PCDHA5: variants seen among roughly 807,000 people sequenced by gnomAD.
PCDHA5 encodes the protein protocadherin alpha 5.
PCDHA5 carries 43 observed loss-of-function variants against 61.6 expected under a neutral mutation model. That is an observed-to-expected ratio of 0.70 (90% CI 0.55 to 0.90). The LOEUF is 0.90. Ranked by LOEUF, PCDHA5 falls within the 40% of genes least tolerant of loss-of-function variation. PCDHA5 has a pLI of 0.00. For missense variants in PCDHA5, 1,298 were observed against 1,222.7 expected (o/e 1.06, Z -0.92); for synonymous variants, 627 against 543.9 (o/e 1.15, Z -2.13).
rs148631412 is a variant in PCDHA5, at chr5:140,929,183, C to T, written c.2353-49766C>T. On this transcript the variant is annotated intron_variant, in intron 1 of 3. Transcript: ENST00000529859. ...TATCGGGCCTCTCTGGGACTTGGTT[C>T]TGATAATAACAGTTTGCTGTTGCGT... is the stretch of plus-strand genomic sequence containing the variant. 62 of 1,614,144 alleles carry T rather than the reference C, an allele frequency of 3.8e-5. No individual in the cohort carries two copies. The highest frequency in any genetic ancestry group is 4.8e-5 in the Non-Finnish European group (57 of 1,180,012).
chr5:141,010,006 T>C lies in PCDHA5; in HGVS notation c.*69T>C. The stretch of plus-strand genomic sequence containing the variant: ...ATGGCAAATCTCTCCCATGTAGCAA[T>C]TCCCTGCTCCTTTTTCCTATCTACA... On this transcript the variant is annotated 3_prime_UTR_variant, in exon 4 of 4. Transcript: ENST00000529859. 1 of 1,572,424 alleles carries C rather than the reference T, an allele frequency of 6.4e-7. No individual in the cohort carries two copies. Among genetic ancestry groups the C allele is most frequent in the Non-Finnish European group, 8.6e-7 (1 of 1,163,442 alleles).
At chr5:140,990,011 G>T (rs1246081885) in intron 3 of PCDHA5, among the ~76,000 whole-genome samples, 1 of 152,074 alleles carries the variant, frequency 6.6e-6, no homozygotes, top group Non-Finnish European at 1.5e-5. Context: ...CAAGGGCGTG[G>T]GCTAGGCAAA....
At chr5:140,839,989 T>C (rs1776506431) in intron 1 of PCDHA5, among the ~76,000 whole-genome samples, 1 of 152,120 alleles carries the variant, frequency 6.6e-6, no homozygotes, top group Non-Finnish European at 1.5e-5. Context: ...GGAAAGTGGT[T>C]AGCCTTAGCA....
At chr5:140,924,263 G>T (rs1292368780) in intron 1 of PCDHA5, among the ~76,000 whole-genome samples, 3 of 152,148 alleles carry the variant, frequency 2.0e-5, no homozygotes, top group African/African-American at 7.2e-5. Context: ...ATCTAATGAG[G>T]TCTGTACTTG....
At position 141,012,179 on chromosome 5, in the gene PCDHA5, T is replaced by C. The variant is rs2098423152; in HGVS notation, c.*2242T>C. ...GGGCTAATTTATTAATGATGATAAT[T>C]ATAATGTATCTGTACAGCACTTTTT... is the stretch of plus-strand genomic sequence containing the variant. On this transcript the variant is annotated 3_prime_UTR_variant, in exon 4 of 4. Coordinates refer to ENST00000529859, the MANE Select transcript of PCDHA5 (RefSeq NM_018908.3). 1 of 153,764 alleles carries C rather than the reference T, an allele frequency of 6.5e-6. No individual in the cohort carries two copies. Among genetic ancestry groups the C allele is most frequent in the South Asian group, 2.1e-4 (1 of 4,828 alleles). 9.5% of individuals were successfully genotyped at this position (153,764 alleles called of 1,614,324 possible). A position where few individuals can be genotyped will look rare whatever the true frequency, so the allele number is the denominator to read the frequency against.
intron 1 of PCDHA5, among the ~76,000 whole-genome samples, chr5:140,962,147 T>C (rs2095660496): frequency 1.3e-5 from 2 of 152,176 alleles, no homozygotes; most frequent in South Asian, 4.1e-4. Context: ...AGTGCTGGGA[T>C]TACAGGCGTG....
At chr5:140,919,658 T>G (rs1271844986) in intron 1 of PCDHA5, among the ~76,000 whole-genome samples, 1 of 152,230 alleles carries the variant, frequency 6.6e-6, no homozygotes, top group South Asian at 2.1e-4. Context: ...GTTTACCATA[T>G]ATATTTTAGC....
chr5:140,872,165 C>CTT (rs781807025), intron 1 of PCDHA5, among the ~76,000 whole-genome samples: 18 of 144,352 alleles, frequency 1.2e-4, no homozygotes, highest in Non-Finnish European at 2.0e-4. Context: ...ATTTACTTTT[C>CTT]TTTTTTTTTT....
chr5:140,881,669 T>C (rs1030695213), intron 1 of PCDHA5, among the ~76,000 whole-genome samples: 17 of 152,248 alleles, frequency 1.1e-4, no homozygotes, highest in African/African-American at 4.1e-4. Context: ...TTTATTCTTA[T>C]GTGATTGTTA....
At chr5:140,984,634 C>G (rs540344154) in intron 3 of PCDHA5, among the ~76,000 whole-genome samples, 4 of 152,298 alleles carry the variant, frequency 2.6e-5, no homozygotes, top group African/African-American at 9.6e-5. Context: ...AAGGGATTCT[C>G]TGCCTTCTCC....
chr5:141,008,362 G>A (rs2098372939), intron 3 of PCDHA5, among the ~76,000 whole-genome samples: 1 of 152,172 alleles, frequency 6.6e-6, no homozygotes, highest in Non-Finnish European at 1.5e-5. Flanking sequence ...AACCAAAGGA[G>A]CAGTGTTAGA....
At chr5:140,921,287 A>C (rs1563045357) in intron 1 of PCDHA5, among the ~76,000 whole-genome samples, 1 of 152,210 alleles carries the variant, frequency 6.6e-6, no homozygotes. Flanking sequence ...AAAAAACCTC[A>C]AATTTGCTGA....
At position 140,878,967 on chromosome 5, in the gene PCDHA5, C is replaced by T. The variant is rs562198206; in HGVS notation, c.2352+54840C>T. On this transcript the variant is annotated intron_variant, in intron 1 of 3. Coordinates refer to ENST00000529859, the MANE Select transcript of PCDHA5 (RefSeq NM_018908.3). ...ATGGTATTGAAATGTATTACCTGGA[C>T]ATTCCCCTCTATCTTAGAAATGAGA... Among the ~76,000 whole-genome samples, 52 of 152,298 alleles carry T rather than the reference C, an allele frequency of 3.4e-4. No individual in the cohort carries two copies. The South Asian group carries it at 0.01, about 30-fold the overall frequency.
In PCDHA5 at chr5:141,012,190, T is replaced by C. The variant is rs1002658582; in HGVS notation, c.*2253T>C. On this transcript the variant is annotated 3_prime_UTR_variant, in exon 4 of 4. Transcript: ENST00000529859. ...TTAATGATGATAATTATAATGTATCTGTACAGCACTTTTTACATTTGCGAA... is the reference window on the plus strand; with the variant it reads ...TTAATGATGATAATTATAATGTATCCGTACAGCACTTTTTACATTTGCGAA... The C allele has an allele frequency of 2.0e-5, 3 of 153,780 alleles. No homozygotes were observed. Among genetic ancestry groups the C allele is most frequent in the African/African-American group, 7.2e-5 (3 of 41,458 alleles). 9.5% of individuals were successfully genotyped at this position (153,780 alleles called of 1,614,324 possible).
intron 3 of PCDHA5, among the ~76,000 whole-genome samples, chr5:140,998,588 G>A (rs1315091552): frequency 6.7e-6 from 1 of 148,536 alleles, no homozygotes; most frequent in African/African-American, 2.5e-5. Context: ...TTTTGAGACA[G>A]AGTTTTGCTC....
chr5:140,868,182 A>T (rs565452965), intron 1 of PCDHA5: 1 of 152,260 alleles, frequency 6.6e-6, no homozygotes, highest in African/African-American at 2.4e-5. Context: ...ATCTCATATT[A>T]TGCTACTATG....
intron 1 of PCDHA5, chr5:140,836,715 C>G: frequency 6.2e-7 from 1 of 1,612,974 alleles, no homozygotes; most frequent in Non-Finnish European, 8.5e-7. Flanking sequence ...CAGCCTTCCT[C>G]AGGGTCCATC....
At chr5:140,924,765 C>T (rs574213548) in intron 1 of PCDHA5, among the ~76,000 whole-genome samples, 2 of 151,640 alleles carry the variant, frequency 1.3e-5, no homozygotes, top group Non-Finnish European at 2.9e-5. Context: ...CATGGTGGTG[C>T]GCGCTTGTAG....
intron 2 of PCDHA5, among the ~76,000 whole-genome samples, chr5:140,981,879 A>G (rs1472110145): frequency 3.9e-5 from 6 of 152,158 alleles, no homozygotes; most frequent in Non-Finnish European, 7.3e-5. Context: ...TGCTGAATTA[A>G]TCTCTTCTGA....
Sources: allele counts gnomAD v4.1 joint callset (sites outside exome capture counted in the v4.1 genomes callset), GRCh38; gene constraint gnomAD v4.1.1; transcripts MANE v1.5; gene names NCBI Gene and HGNC (gene_info 2026-07-23, HGNC 2026-07-21).